Variants in ARHGAP26 observed in about 807,000 individuals in gnomAD.
ARHGAP26 encodes the protein Rho GTPase activating protein 26.
A neutral mutation model predicts 104.8 loss-of-function variants in ARHGAP26; 38 were observed. The observed-to-expected ratio is 0.36, with a 90% CI of 0.28 to 0.48. ARHGAP26 has a LOEUF of 0.48. ARHGAP26 is among the 20% of genes least tolerant of loss of function. ARHGAP26 has a pLI of 0.99. For missense variants in ARHGAP26, 704 were observed against 947.9 expected, an observed-to-expected ratio of 0.74 and a Z score of 3.38; for synonymous variants, 341 against 340.0, an observed-to-expected ratio of 1.00 and a Z score of -0.03.
chr5:142,911,914 G>A (rs116735057), intron 9 of ARHGAP26, among the ~76,000 whole-genome samples: 4 of 152,176 alleles, frequency 2.6e-5, no homozygotes, highest in Non-Finnish European at 4.4e-5. Context: ...TAGGTATAAG[G>A]CCTGTGAATA....
chr5:142,852,642 A>C (rs1000083835), intron 1 of ARHGAP26, among the ~76,000 whole-genome samples: 1 of 152,062 alleles, frequency 6.6e-6, no homozygotes, highest in African/African-American at 2.4e-5. Flanking sequence ...CTGCCTGTGG[A>C]CTGCCAGCAG....
At chr5:142,956,125 A>G (rs1040847396) in intron 11 of ARHGAP26, among the ~76,000 whole-genome samples, 1 of 152,234 alleles carries the variant, frequency 6.6e-6, no homozygotes, top group African/African-American at 2.4e-5. Context: ...TGTTTTCATT[A>G]TCTGAGTCCC....
At chr5:142,836,384 C>T (rs1462554118) in intron 1 of ARHGAP26, among the ~76,000 whole-genome samples, 1 of 152,168 alleles carries the variant, frequency 6.6e-6, no homozygotes, top group Non-Finnish European at 1.5e-5. Context: ...GTTCCTTTTT[C>T]CCAATGCCAG....
chr5:143,150,529 G>T (rs1393356201), intron 20 of ARHGAP26, among the ~76,000 whole-genome samples: 2 of 152,258 alleles, frequency 1.3e-5, no homozygotes, highest in Admixed American at 1.3e-4. Flanking sequence ...GAGCATTCCA[G>T]GTAAGAAGGA....
intron 20 of ARHGAP26, among the ~76,000 whole-genome samples, chr5:143,161,179 CTG>C (rs1440692305): frequency 3.3e-5 from 5 of 151,776 alleles, no homozygotes; most frequent in African/African-American, 1.2e-4. Context: ...ACCTGGCTAA[CTG>C]TTGTATTTTT....
chr5:143,155,665 C>T (rs1186788827), intron 20 of ARHGAP26, among the ~76,000 whole-genome samples: 4 of 152,136 alleles, frequency 2.6e-5, no homozygotes, highest in African/African-American at 4.8e-5. Flanking sequence ...AAGGGCAGAG[C>T]GCCGTTTGAA....
At chr5:143,109,742 A>G (rs551033495) in intron 17 of ARHGAP26, among the ~76,000 whole-genome samples, 16 of 152,212 alleles carry the variant, frequency 1.1e-4, no homozygotes, top group South Asian at 8.3e-4. Context: ...ACCCGGCCAT[A>G]TCTCTCTCTC....
intron 1 of ARHGAP26, among the ~76,000 whole-genome samples, chr5:142,775,427 T>G (rs1439555220): frequency 2.0e-5 from 3 of 152,230 alleles, no homozygotes; most frequent in Non-Finnish European, 4.4e-5. Context: ...CTTCAGATCT[T>G]TTGCCCATTT....
At chr5:142,906,952 GCTGA>G (rs529421564) in intron 8 of ARHGAP26, among the ~76,000 whole-genome samples, 22 of 152,074 alleles carry the variant, frequency 1.4e-4, no homozygotes, top group Non-Finnish European at 2.6e-4. Flanking sequence ...TCCTTTGCAG[GCTGA>G]CTAATGCCTT....
At chr5:143,180,042 C>G (rs569648046) in intron 20 of ARHGAP26, among the ~76,000 whole-genome samples, 1 of 152,346 alleles carries the variant, frequency 6.6e-6, no homozygotes, top group East Asian at 1.9e-4. Context: ...CTGGACATCT[C>G]TCTGTCTCAA....
intron 11 of ARHGAP26, among the ~76,000 whole-genome samples, chr5:142,997,951 G>A (rs245712): frequency 0.95 from 143,967 of 152,238 alleles, 68,329 homozygotes; most frequent in Non-Finnish European, 0.99. Flanking sequence ...CAATTCAGCA[G>A]CAGAAATTGA....
intron 17 of ARHGAP26, among the ~76,000 whole-genome samples, chr5:143,079,132 C>T (rs1169175174): frequency 6.6e-6 from 1 of 152,210 alleles, no homozygotes; most frequent in Non-Finnish European, 1.5e-5. Flanking sequence ...AACTTGTGCT[C>T]TCTTGGGAGT....
chr5:143,037,583 A>C (rs999001399), intron 13 of ARHGAP26, among the ~76,000 whole-genome samples: 1 of 152,250 alleles, frequency 6.6e-6, no homozygotes, highest in African/African-American at 2.4e-5. Flanking sequence ...TTAACACTTT[A>C]TAAGTGATAG....
chr5:143,048,471 G>A lies in ARHGAP26; in HGVS notation c.1286-5968G>A, dbSNP rs149671565. Reference sequence around the variant, plus strand: ...AGACGGGGTTTCATCATGTTGCCCAGGCTGGTCTCAAACTCTTAAGCTCAA... The same window carrying A: ...AGACGGGGTTTCATCATGTTGCCCAAGCTGGTCTCAAACTCTTAAGCTCAA... On this transcript the variant is annotated intron_variant, in intron 14 of 22. Coordinates refer to ENST00000645722, the MANE Select transcript of ARHGAP26 (RefSeq NM_001135608.3). 2.8e-3 allele frequency among the ~76,000 whole-genome samples: 429 copies of A among 151,536 alleles called. 1 individual carries two copies. Among genetic ancestry groups the A allele is most frequent in the African/African-American group, 9.6e-3 (398 of 41,340 alleles).
chr5:142,825,824 C>A (rs1202670345), intron 1 of ARHGAP26, among the ~76,000 whole-genome samples: 3 of 152,186 alleles, frequency 2.0e-5, no homozygotes, highest in East Asian at 1.9e-4. Flanking sequence ...CAGAAAGTAT[C>A]ATTTATAGGT....
intron 11 of ARHGAP26, among the ~76,000 whole-genome samples, chr5:142,979,409 G>A (rs1205121381): frequency 1.3e-5 from 2 of 152,184 alleles, no homozygotes; most frequent in Admixed American, 6.5e-5. Context: ...GTTGGAGTGA[G>A]TCTGCTCAGA....
Position 143,227,904 on chromosome 5 carries a change from C to G in ARHGAP26, c.*5458C>G, listed in dbSNP as rs1811791584. On this transcript the variant is annotated 3_prime_UTR_variant, in exon 23 of 23. Coordinates refer to ENST00000645722, the MANE Select transcript of ARHGAP26 (RefSeq NM_001135608.3). ...AAAAATTTCACAGCTAATATTTTTACAAAAGTTGTGCCAGACATTACAGAG... is the reference window on the plus strand; with the variant it reads ...AAAAATTTCACAGCTAATATTTTTAGAAAAGTTGTGCCAGACATTACAGAG... The G allele has an allele frequency of 4.6e-6, 1 of 219,504 alleles. No homozygotes were observed. Among genetic ancestry groups the G allele is most frequent in the Admixed American group, 5.8e-5 (1 of 17,284 alleles). The allele number at this position is 219,504 out of a possible 1,614,324, so 13.6% of individuals were successfully genotyped here. A position where few individuals can be genotyped will look rare whatever the true frequency, so the allele number is the denominator to read the frequency against.
At chr5:142,897,611 C>T (rs1434711158) in intron 6 of ARHGAP26, among the ~76,000 whole-genome samples, 1 of 152,210 alleles carries the variant, frequency 6.6e-6, no homozygotes, top group Non-Finnish European at 1.5e-5. Context: ...CTGCACATTT[C>T]AGTTTGAGCC....
At chr5:143,116,580 A>G (rs1010838999) in intron 17 of ARHGAP26, among the ~76,000 whole-genome samples, 1 of 152,242 alleles carries the variant, frequency 6.6e-6, no homozygotes, top group African/African-American at 2.4e-5. Flanking sequence ...TCCCTATGAC[A>G]GCCTGGGGGT....
Sources: gnomAD v4.1 joint callset for allele counts (sites outside exome capture counted in the v4.1 genomes callset) on GRCh38, gnomAD v4.1.1 for gene constraint, MANE v1.5 for transcripts, NCBI Gene and HGNC (gene_info 2026-07-23, HGNC 2026-07-21) for gene names.